Variants in EMILIN2 observed in about 807,000 individuals in gnomAD.
EMILIN2 encodes EMILIN-2.
Under a neutral mutation model 87.1 loss-of-function variants are expected in EMILIN2, and 71 were observed. That is an observed-to-expected ratio of 0.82 (90% confidence interval 0.67 to 0.99). The LOEUF is 0.99. Among genes scored for constraint, EMILIN2 ranks in the 50% least tolerant of loss-of-function variants. The probability of loss-of-function intolerance (pLI) is 0.00; values close to 1 mark genes in which losing one functional copy is unlikely to be tolerated. For missense variants in EMILIN2, 1,407 were observed against 1,371.8 expected (o/e 1.03, Z -0.40); for synonymous variants, 581 against 563.4 (o/e 1.03, Z -0.44).
chr18:2,901,143 G>A (rs903510716), intron 4 of EMILIN2, among the ~76,000 whole-genome samples: 20 of 152,224 alleles, frequency 1.3e-4, no homozygotes, highest in Non-Finnish European at 2.9e-5. Context: ...CAAGGTTTCA[G>A]TGGCTTTCCC....
intron 4 of EMILIN2, among the ~76,000 whole-genome samples, chr18:2,896,561 C>T (rs1568479607): frequency 6.6e-6 from 1 of 152,154 alleles, no homozygotes; most frequent in Non-Finnish European, 1.5e-5. Flanking sequence ...GCAGCCTCAA[C>T]TTTCCTAGGT....
At position 2,885,593 on chromosome 18, in the gene EMILIN2, A is replaced by G. The variant is rs562853390; in HGVS notation, c.433+454A>G. Among the ~76,000 whole-genome samples the G allele has an allele frequency of 2.0e-3, 300 of 152,266 alleles. 10 individuals carry two copies. In the South Asian group the frequency reaches 0.06, roughly 31 times the overall value. On this transcript the variant is annotated intron_variant, in intron 3 of 7. Coordinates refer to ENST00000254528, the MANE Select transcript of EMILIN2 (RefSeq NM_032048.3). ...GAGTGCAGTGGCGCAATCTCGGTTCACTGCAACCTCTGCCTACCTGGTTCA... is the reference window on the plus strand; with the variant it reads ...GAGTGCAGTGGCGCAATCTCGGTTCGCTGCAACCTCTGCCTACCTGGTTCA...
chr18:2,861,153 A>G (rs971838517), intron 2 of EMILIN2, among the ~76,000 whole-genome samples: 1 of 152,070 alleles, frequency 6.6e-6, no homozygotes, highest in South Asian at 2.1e-4. Context: ...AGATGAGTAG[A>G]TTGCAAAAAT....
In EMILIN2 at chr18:2,848,011, T is replaced by C. The variant is rs964121860; in HGVS notation, c.257+80T>C. The C allele has an allele frequency of 3.6e-5, 51 of 1,430,784 alleles. No individual in the cohort carries two copies. The highest frequency in any genetic ancestry group is 4.6e-5 in the Non-Finnish European group (50 of 1,079,806). 88.6% of individuals were successfully genotyped at this position (1,430,784 alleles called of 1,614,324 possible). ...GTGGGGTGGGGTTGCTGCGCTGGGC[T>C]CCAGTCCCTCCGGTAAATCCCTTCC... On this transcript the variant is annotated intron_variant, in intron 2 of 7. Coordinates refer to ENST00000254528, the MANE Select transcript of EMILIN2 (RefSeq NM_032048.3). The surrounding 1 kb of genome is among the most constrained non-coding windows in gnomAD (Gnocchi z 4.1).
At chr18:2,904,846 A>C (rs1486017446) in intron 4 of EMILIN2, among the ~76,000 whole-genome samples, 1 of 152,214 alleles carries the variant, frequency 6.6e-6, no homozygotes, top group African/African-American at 2.4e-5. Flanking sequence ...GACTGTGGGC[A>C]TCATAGGGTC....
intron 2 of EMILIN2, among the ~76,000 whole-genome samples, chr18:2,854,141 C>G (rs4798033): frequency 0.23 from 35,496 of 151,940 alleles, 4,370 homozygotes; most frequent in Non-Finnish European, 0.28. Context: ...TTCTGTAGGG[C>G]CCAGAGTTTT....
intron 2 of EMILIN2, among the ~76,000 whole-genome samples, chr18:2,867,291 ATTTTTAT>A (rs1213933865): frequency 6.6e-6 from 1 of 150,910 alleles, no homozygotes; most frequent in Non-Finnish European, 1.5e-5. Context: ...TCTTTATTTT[ATTTTTAT>A]TTTTTATTTT....
chr18:2,893,553 A>AT (rs1177831682), intron 4 of EMILIN2, among the ~76,000 whole-genome samples: 1 of 152,136 alleles, frequency 6.6e-6, no homozygotes, highest in African/African-American at 2.4e-5. Context: ...ATGTAATAAG[A>AT]TTTTTTTGTT....
intron 2 of EMILIN2, among the ~76,000 whole-genome samples, chr18:2,876,538 G>A (rs1314813032): frequency 1.2e-4 from 17 of 147,506 alleles, no homozygotes; most frequent in South Asian, 7.4e-4. Context: ...AGGCCGAGGT[G>A]GGTGGATCAC....
At chr18:2,861,640 G>C (rs2076661603) in intron 2 of EMILIN2, among the ~76,000 whole-genome samples, 1 of 152,190 alleles carries the variant, frequency 6.6e-6, no homozygotes. Flanking sequence ...CTGTAGCCTT[G>C]TAATATAGTT....
At chr18:2,873,564 G>A (rs888208801) in intron 2 of EMILIN2, among the ~76,000 whole-genome samples, 8 of 151,426 alleles carry the variant, frequency 5.3e-5, no homozygotes, top group Middle Eastern at 6.9e-3. Context: ...AAAATTAGCC[G>A]GGCGTGGTGG....
intron 4 of EMILIN2, among the ~76,000 whole-genome samples, chr18:2,897,899 CA>C (rs1291329166): frequency 1.3e-5 from 2 of 150,870 alleles, no homozygotes; most frequent in African/African-American, 4.9e-5. Flanking sequence ...TCTCCCTTTT[CA>C]GCATTCACAG....
intron 2 of EMILIN2, among the ~76,000 whole-genome samples, chr18:2,870,775 G>A (rs538987904): frequency 6.6e-6 from 1 of 152,306 alleles, no homozygotes; most frequent in South Asian, 2.1e-4. Flanking sequence ...GTCCACAGGG[G>A]GTCGTAGATC....
intron 2 of EMILIN2, among the ~76,000 whole-genome samples, chr18:2,868,116 C>A (rs1265151512): frequency 6.6e-6 from 1 of 152,002 alleles, no homozygotes; most frequent in Non-Finnish European, 1.5e-5. Flanking sequence ...CTCCTGACTT[C>A]TCAGATGGGG....
chr18:2,887,253 G>T (rs998944088), intron 3 of EMILIN2, among the ~76,000 whole-genome samples: 1 of 152,208 alleles, frequency 6.6e-6, no homozygotes, highest in Admixed American at 6.5e-5. Flanking sequence ...TGTGTGACTT[G>T]AGTAGGTTTT....
chr18:2,847,286 A>T lies in EMILIN2; in HGVS notation c.98A>T (p.Gln33Leu). 7.6e-7 allele frequency: 1 copy of T among 1,316,628 alleles called. No homozygotes were observed. The highest frequency in any genetic ancestry group is 2.0e-5 in the South Asian group (1 of 49,538). 81.6% of individuals were successfully genotyped at this position (1,316,628 alleles called of 1,614,324 possible). A position where few individuals can be genotyped will look rare whatever the true frequency, so the allele number is the denominator to read the frequency against. ...VGAGLCHAGP[Q>L]PGYPARPSAR... is the part of the protein sequence containing the mutation. The stretch of plus-strand genomic sequence containing the variant: ...GCGGGGCTGTGCCACGCCGGCCCGC[A>T]GCCCGGGTATCCCGCGCGGCCCAGC... Residue 33 changes from glutamine (Q) to leucine (L), a missense_variant, in exon 1 of 8, where the codon CAG becomes CTG. Transcript: ENST00000254528. This position sits in a 1 kb window ranked among gnomAD's most constrained non-coding sequence, Gnocchi z 4.5.
Position 2,913,333 on chromosome 18 carries a change from C to T in EMILIN2, c.3091C>T (p.His1031Tyr). ...NVVVTGGKLA[H>Y]TDFDEMYSTF... ...CGTGGTGACTGGGGGCAAGCTGGCT[C>T]ACACAGACTTTGATGAAATGTACTC... is the stretch of plus-strand genomic sequence containing the variant. Residue 1031 changes from histidine (H) to tyrosine (Y), a missense_variant, in exon 8 of 8, where the codon CAC becomes TAC. Physicochemically the swap from His to Tyr is moderately conservative, Grantham distance 83. Coordinates refer to ENST00000254528, the MANE Select transcript of EMILIN2 (RefSeq NM_032048.3). The T allele has an allele frequency of 6.2e-7, 1 of 1,612,752 alleles. No homozygotes were observed. The highest frequency in any genetic ancestry group is 8.5e-7 in the Non-Finnish European group (1 of 1,179,276).
rs1277929601 is a variant in EMILIN2 at position 2,914,411 on chromosome 18, C to G, written c.*1007C>G. The G allele has an allele frequency of 6.6e-6, 1 of 152,186 alleles. No homozygotes were observed. Among genetic ancestry groups the G allele is most frequent in the African/African-American group, 2.4e-5 (1 of 41,448 alleles). The allele number at this position is 152,186 out of a possible 1,614,324, so 9.4% of individuals were successfully genotyped here. On this transcript the variant is annotated 3_prime_UTR_variant, in exon 8 of 8. Transcript: ENST00000254528. ...GCACCAATCTCCAGCAGACACAGCT[C>G]GCCGAGCTCTTGGGTTTCTAAGCAG...
At chr18:2,874,849 G>A (rs752400516) in intron 2 of EMILIN2, among the ~76,000 whole-genome samples, 1 of 152,240 alleles carries the variant, frequency 6.6e-6, no homozygotes, top group Non-Finnish European at 1.5e-5. Flanking sequence ...AATGTCTCCA[G>A]ATTTTCGATG....
Sources: allele counts gnomAD v4.1 joint callset (sites outside exome capture counted in the v4.1 genomes callset), GRCh38; gene constraint gnomAD v4.1.1; non-coding constraint Gnocchi (gnomAD v3.1); transcripts MANE v1.5; gene names NCBI Gene and HGNC (gene_info 2026-07-23, HGNC 2026-07-21).